Variants in WWOX observed in about 807,000 individuals in gnomAD.
The protein encoded by WWOX is WW domain-containing oxidoreductase.
WWOX carries 69 observed loss-of-function variants against 46.2 expected under a neutral mutation model. The ratio of observed to expected loss-of-function variants is 1.49; its 90% confidence interval spans 1.23 to 1.82. The LOEUF (loss-of-function observed/expected upper bound fraction) is 1.82, where lower values mean the gene tolerates loss of function less well. Among genes scored for constraint, WWOX ranks in the 40% most tolerant of loss-of-function variants. The pLI is 0.00. For synonymous variants in WWOX, 359 were observed against 202.6 expected, an observed-to-expected ratio of 1.77 and a Z score of -6.56; for missense variants, 919 against 542.6, an observed-to-expected ratio of 1.69 and a Z score of -6.89.
At chr16:78,176,226 T>C (rs1219984570) in intron 5 of WWOX, among the ~76,000 whole-genome samples, 5 of 152,190 alleles carry the variant, frequency 3.3e-5, no homozygotes, top group Non-Finnish European at 7.3e-5. Flanking sequence ...ATTCCCTAAA[T>C]AATAAATCCA....
At chr16:79,198,174 C>G (rs867781206) in intron 8 of WWOX, among the ~76,000 whole-genome samples, 2 of 122,046 alleles carry the variant, frequency 1.6e-5, no homozygotes, top group Admixed American at 7.8e-5. Flanking sequence ...AAAAAAAAAA[C>G]AAAAACCACA....
chr16:78,725,441 G>T (rs142342610), intron 8 of WWOX, among the ~76,000 whole-genome samples: 1 of 139,536 alleles, frequency 7.2e-6, no homozygotes, highest in Non-Finnish European at 1.5e-5. Flanking sequence ...TCCACTTCCC[G>T]GATTTAAGCG....
At chr16:78,255,199 T>A (rs918216341) in intron 5 of WWOX, among the ~76,000 whole-genome samples, 2 of 152,152 alleles carry the variant, frequency 1.3e-5, no homozygotes, top group African/African-American at 4.8e-5. Flanking sequence ...CACATTCAGA[T>A]CCCCCGTCCC....
chr16:78,889,298 A>G (rs754248230), intron 8 of WWOX, among the ~76,000 whole-genome samples: 42 of 152,054 alleles, frequency 2.8e-4, no homozygotes, highest in Middle Eastern at 3.4e-3. Context: ...GCAATGGTGC[A>G]TAGTCAAATG....
At chr16:78,516,290 G>C (rs1200615156) in intron 8 of WWOX, among the ~76,000 whole-genome samples, 1 of 152,100 alleles carries the variant, frequency 6.6e-6, no homozygotes, top group East Asian at 1.9e-4. Flanking sequence ...CAAGAACACT[G>C]TCCTGTTATG....
At chr16:78,884,641 C>A (rs956948312) in intron 8 of WWOX, among the ~76,000 whole-genome samples, 5 of 152,116 alleles carry the variant, frequency 3.3e-5, no homozygotes, top group Admixed American at 1.3e-4. Context: ...GACTAAAAAG[C>A]AAACTATTCC....
chr16:78,662,294 C>T (rs1394101927), intron 8 of WWOX, among the ~76,000 whole-genome samples: 1 of 152,138 alleles, frequency 6.6e-6, no homozygotes, highest in Admixed American at 6.5e-5. Flanking sequence ...GCAAGGTCAC[C>T]AGGATTCACT....
intron 8 of WWOX, among the ~76,000 whole-genome samples, chr16:78,855,389 A>C (rs955404231): frequency 2.0e-5 from 3 of 152,106 alleles, no homozygotes; most frequent in Non-Finnish European, 4.4e-5. Flanking sequence ...GCGGGGAGGA[A>C]AAAAAAACAC....
At chr16:78,456,658 C>T (rs1336377168) in intron 8 of WWOX, among the ~76,000 whole-genome samples, 2 of 152,026 alleles carry the variant, frequency 1.3e-5, no homozygotes, top group Non-Finnish European at 2.9e-5. Flanking sequence ...CTGAAACATC[C>T]TGATATATTT....
chr16:78,884,988 C>G (rs1276575547), intron 8 of WWOX, among the ~76,000 whole-genome samples: 1 of 152,192 alleles, frequency 6.6e-6, no homozygotes, highest in East Asian at 1.9e-4. Flanking sequence ...ACCAAGCCAT[C>G]TAGCCCTCAG....
intron 8 of WWOX, among the ~76,000 whole-genome samples, chr16:78,925,268 C>CCA (rs2045472391): frequency 6.6e-6 from 1 of 152,230 alleles, no homozygotes; most frequent in African/African-American, 2.4e-5. Context: ...CTGATCATTG[C>CCA]TGCCACTGGG....
At chr16:78,330,515 G>T (rs1172938415) in intron 5 of WWOX, among the ~76,000 whole-genome samples, 1 of 151,994 alleles carries the variant, frequency 6.6e-6, no homozygotes, top group East Asian at 1.9e-4. Context: ...TCCTGCCTCA[G>T]CCTCCCGAGT....
At chr16:79,132,317 C>G (rs905695183) in intron 8 of WWOX, among the ~76,000 whole-genome samples, 11 of 152,128 alleles carry the variant, frequency 7.2e-5, no homozygotes, top group African/African-American at 2.7e-4. Flanking sequence ...TGATTTCAGG[C>G]AAGATTTTGT....
intron 7 of WWOX, among the ~76,000 whole-genome samples, chr16:78,427,436 A>G (rs2083109166): frequency 6.6e-6 from 1 of 152,158 alleles, no homozygotes; most frequent in African/African-American, 2.4e-5. Flanking sequence ...AAGTAGAATG[A>G]AAAGAGCAGA....
chr16:78,590,905 CTG>C (rs1393194004), intron 8 of WWOX, among the ~76,000 whole-genome samples: 1 of 152,168 alleles, frequency 6.6e-6, no homozygotes, highest in Non-Finnish European at 1.5e-5. Context: ...ACAAAGGACA[CTG>C]TGCATTTCTA....
At chr16:78,951,145 G>T (rs1474237218) in intron 8 of WWOX, among the ~76,000 whole-genome samples, 1 of 152,174 alleles carries the variant, frequency 6.6e-6, no homozygotes. Flanking sequence ...GGGATTGATT[G>T]GCAACTGGGA....
intron 8 of WWOX, among the ~76,000 whole-genome samples, chr16:78,824,141 C>G (rs367745986): frequency 1.4e-3 from 217 of 152,072 alleles, no homozygotes; most frequent in African/African-American, 5.1e-3. Context: ...TTTTAAAAAT[C>G]TATTTGATTT....
rs987887237 is a variant in WWOX, at chr16:78,100,780, C to T, written c.107+895C>T. 5.4e-4 allele frequency among the ~76,000 whole-genome samples: 82 copies of T among 152,196 alleles called. 1 individual carries two copies. The highest frequency in any genetic ancestry group is 1.8e-3 in the African/African-American group (74 of 41,450). ...TAGGTACTCTCTGTTCCTTAACTGT[C>T]GTTCCTTGATTGCTCTTAAGATACG... On this transcript the variant is annotated intron_variant, in intron 1 of 8. Transcript: ENST00000566780.
intron 8 of WWOX, among the ~76,000 whole-genome samples, chr16:79,039,370 C>G (rs1257670341): frequency 1.3e-5 from 2 of 152,220 alleles, no homozygotes; most frequent in East Asian, 3.9e-4. Flanking sequence ...TAAGTGGGAC[C>G]AGGCCGAAAA....
Sources: allele counts gnomAD v4.1 joint callset (sites outside exome capture counted in the v4.1 genomes callset), GRCh38; gene constraint gnomAD v4.1.1; transcripts MANE v1.5; gene names NCBI Gene and HGNC (gene_info 2026-07-23, HGNC 2026-07-21).